The following ROBO2 variants were observed in gnomAD, a reference collection of about 807,000 sequenced individuals.
The protein encoded by ROBO2 is roundabout homolog 2.
A neutral mutation model predicts 160.8 loss-of-function variants in ROBO2; 53 were observed. That is an observed-to-expected ratio of 0.33 (90% CI 0.26 to 0.41). ROBO2 has a LOEUF of 0.41. ROBO2 is among the 10% of genes least tolerant of loss of function. ROBO2 has a pLI of 1.00. For synonymous variants in ROBO2, 664 were observed against 611.7 expected (o/e 1.09, Z -1.26); for missense variants, 1,577 against 1,722.4 (o/e 0.92, Z 1.49).
chr3:76,435,591 A>C (rs1017479197), intron 2 of ROBO2, among the ~76,000 whole-genome samples: 1 of 152,090 alleles, frequency 6.6e-6, no homozygotes, highest in Non-Finnish European at 1.5e-5. Context: ...TCAGGCTGAA[A>C]TTTGGGGTGG....
intron 2 of ROBO2, among the ~76,000 whole-genome samples, chr3:76,823,814 G>A (rs2066330535): frequency 6.6e-6 from 1 of 152,174 alleles, no homozygotes; most frequent in South Asian, 2.1e-4. Flanking sequence ...TGTATGAGCA[G>A]TTATAAGTGG....
At chr3:76,365,816 A>G (rs1462168100) in intron 2 of ROBO2, among the ~76,000 whole-genome samples, 1 of 150,056 alleles carries the variant, frequency 6.7e-6, no homozygotes, top group African/African-American at 2.4e-5. Flanking sequence ...TTTCTTTGTT[A>G]TTAACGACCA....
chr3:75,972,778 G>A (rs1371932161), intron 2 of ROBO2, among the ~76,000 whole-genome samples: 2 of 151,540 alleles, frequency 1.3e-5, no homozygotes, highest in Non-Finnish European at 3.0e-5. Flanking sequence ...TGTCCTCTGG[G>A]TAACTCCATT....
At chr3:76,412,844 A>G (rs1167461324) in intron 2 of ROBO2, among the ~76,000 whole-genome samples, 2 of 152,170 alleles carry the variant, frequency 1.3e-5, no homozygotes, top group Non-Finnish European at 2.9e-5. Flanking sequence ...TCTGCAGGAC[A>G]ATGGCCCTCT....
chr3:77,100,583 A>G (rs571475497), intron 2 of ROBO2, among the ~76,000 whole-genome samples: 1 of 151,936 alleles, frequency 6.6e-6, no homozygotes, highest in African/African-American at 2.4e-5. Flanking sequence ...AAAACTCAAC[A>G]TAAATACTCA....
At chr3:76,171,960 C>G (rs2073055366) in intron 2 of ROBO2, among the ~76,000 whole-genome samples, 2 of 152,032 alleles carry the variant, frequency 1.3e-5, no homozygotes, top group Non-Finnish European at 2.9e-5. Flanking sequence ...CTAAGCTGTA[C>G]TTGTAAAGAA....
intron 2 of ROBO2, among the ~76,000 whole-genome samples, chr3:77,451,392 T>C (rs2081094549): frequency 6.6e-6 from 1 of 152,110 alleles, no homozygotes; most frequent in Non-Finnish European, 1.5e-5. Context: ...TTTATAGTAT[T>C]TTTCTTTGAA....
intron 2 of ROBO2, among the ~76,000 whole-genome samples, chr3:76,710,596 A>G (rs972881344): frequency 3.3e-5 from 5 of 152,218 alleles, no homozygotes; most frequent in Admixed American, 2.0e-4. Flanking sequence ...GACAGAAGTC[A>G]GAATACAGCA....
intron 2 of ROBO2, among the ~76,000 whole-genome samples, chr3:76,551,087 C>T (rs1578086432): frequency 1.3e-5 from 2 of 152,034 alleles, no homozygotes; most frequent in African/African-American, 4.8e-5. Flanking sequence ...AGAGTGAGAA[C>T]TTATGGTGCT....
exon 23 of ROBO2, chr3:77,622,316 A>T (rs2094918835): frequency 6.2e-7 from 1 of 1,614,082 alleles, no homozygotes; most frequent in Non-Finnish European, 8.5e-7. Context: ...TTGGAAACGG[A>T]TGTTGCAGAT....
intron 2 of ROBO2, among the ~76,000 whole-genome samples, chr3:76,380,249 A>G (rs1015077790): frequency 2.0e-5 from 3 of 152,206 alleles, no homozygotes; most frequent in South Asian, 2.1e-4. Flanking sequence ...TTACTTGGCT[A>G]TAGAAAGATT....
chr3:76,295,261 T>C (rs1024775130), intron 2 of ROBO2, among the ~76,000 whole-genome samples: 2 of 152,134 alleles, frequency 1.3e-5, no homozygotes, highest in Non-Finnish European at 2.9e-5. Context: ...ATTCTTTTTG[T>C]CCTCCCCTGA....
intron 2 of ROBO2, among the ~76,000 whole-genome samples, chr3:76,934,161 G>T (rs2077530449): frequency 6.7e-6 from 1 of 149,176 alleles, no homozygotes. Flanking sequence ...TCATTGCCTT[G>T]TTATCATATT....
chr3:76,738,708 T>C (rs1267727241), intron 2 of ROBO2, among the ~76,000 whole-genome samples: 1 of 152,212 alleles, frequency 6.6e-6, no homozygotes, highest in Non-Finnish European at 1.5e-5. Context: ...GAGAATGATA[T>C]GGCCGAGTGA....
At chr3:77,304,871 GA>G (rs1383169996) in intron 2 of ROBO2, among the ~76,000 whole-genome samples, 2 of 152,118 alleles carry the variant, frequency 1.3e-5, no homozygotes, top group Non-Finnish European at 2.9e-5. Context: ...GTCAGTTAGG[GA>G]GAGCGTACAT....
chr3:77,315,270 C>T (rs550899397), intron 2 of ROBO2, among the ~76,000 whole-genome samples: 2 of 152,178 alleles, frequency 1.3e-5, no homozygotes, highest in African/African-American at 4.8e-5. Flanking sequence ...AACAAGCACA[C>T]AATTTTAAAT....
Position 77,014,996 on chromosome 3 carries a change from C to T in ROBO2, c.110-83018C>T, listed in dbSNP as rs180748747. 1.2e-3 allele frequency among the ~76,000 whole-genome samples: 179 copies of T among 151,974 alleles called. 4 individuals are homozygous for T. The highest frequency in any genetic ancestry group is 9.1e-4 in the Non-Finnish European group (62 of 67,972). ...GAACTTAGGTTTGAAGACAGATGTT[C>T]CTTTCTGAATCATATTGTTCCTACA... is the stretch of plus-strand genomic sequence containing the variant. On this transcript the variant is annotated intron_variant, in intron 2 of 26. Transcript: ENST00000487694.
intron 2 of ROBO2, among the ~76,000 whole-genome samples, chr3:76,292,192 T>C (rs934695101): frequency 6.6e-6 from 1 of 152,198 alleles, no homozygotes; most frequent in Admixed American, 6.5e-5. Context: ...CAAAGCTGCT[T>C]ATTCCTAAGA....
chr3:77,393,456 G>A (rs958328315), intron 2 of ROBO2, among the ~76,000 whole-genome samples: 1 of 151,592 alleles, frequency 6.6e-6, no homozygotes, highest in Non-Finnish European at 1.5e-5. Context: ...GTTTTTCAAG[G>A]ACAGAAGAAA....
Sources: allele counts gnomAD v4.1 joint callset (sites outside exome capture counted in the v4.1 genomes callset), GRCh38; gene constraint gnomAD v4.1.1; transcripts MANE v1.5; gene names NCBI Gene and HGNC (gene_info 2026-07-23, HGNC 2026-07-21).